Variants in GNAS observed in about 807,000 individuals in gnomAD.
GNAS encodes GNAS complex locus.
In GNAS, 8 loss-of-function variants were observed where a neutral mutation model predicts 54.5. The observed-to-expected ratio is 0.15, with a 90% CI of 0.09 to 0.26. The LOEUF is 0.26. Ranked by LOEUF, GNAS falls within the 10% of genes least tolerant of loss-of-function variation. The pLI is 1.00. For missense variants in GNAS, 170 were observed against 529.8 expected (o/e 0.32, Z 6.67); for synonymous variants, 204 against 191.4 (o/e 1.07, Z -0.54).
chr20:58,842,120 T>G, intron 1 of GNAS: 1 of 399,512 alleles, frequency 2.5e-6, no homozygotes, highest in Non-Finnish European at 4.4e-6. Flanking sequence ...GTTTAATCTG[T>G]AACCTGGAGG....
chr20:58,888,739 C>G (rs1301634546), upstream of GNAS: 1 of 152,154 alleles, frequency 6.6e-6, no homozygotes, highest in Non-Finnish European at 1.5e-5. Context: ...GTCCGGGCGT[C>G]GCAAATAATT....
chr20:58,842,715 A>G (rs1050801252), intron 1 of GNAS, among the ~76,000 whole-genome samples: 2 of 152,150 alleles, frequency 1.3e-5, no homozygotes, highest in Admixed American at 6.5e-5. Context: ...GCTTTCTGTG[A>G]CATTAAGTGT....
At chr20:58,903,645 C>T in intron 4 of GNAS, 27 bp from the exon 5 acceptor site, 2 of 1,614,194 alleles carry the variant, frequency 1.2e-6, no homozygotes, top group Non-Finnish European at 1.7e-6. Context: ...GTGCTGTTCC[C>T]TGACCGCTTT....
intron 1 of GNAS, among the ~76,000 whole-genome samples, chr20:58,882,590 G>GTCCA (rs2088310899): frequency 6.6e-6 from 1 of 152,174 alleles, no homozygotes; most frequent in African/African-American, 2.4e-5. Context: ...TCAGCCCCAT[G>GTCCA]GATCACAGCT....
At chr20:58,887,102 G>C (rs1255218082), upstream of GNAS, among the ~76,000 whole-genome samples, 3 of 152,202 alleles carry the variant, frequency 2.0e-5, no homozygotes, top group Admixed American at 6.5e-5. Context: ...TATCTAAAAG[G>C]GGAAGGTGGT....
At chr20:58,894,925 A>C (rs965088500) in intron 1 of GNAS, among the ~76,000 whole-genome samples, 1 of 152,206 alleles carries the variant, frequency 6.6e-6, no homozygotes, top group African/African-American at 2.4e-5. Context: ...CCTTTTCCTC[A>C]GCAACATAGT....
upstream of GNAS, chr20:58,889,691 A>C (rs2088935908): frequency 6.6e-6 from 1 of 151,144 alleles, no homozygotes; most frequent in East Asian, 2.0e-4. Context: ...TTTTGGCGCT[A>C]ACTCTTAGGC....
At chr20:58,877,191 G>T (rs1178517288) in intron 1 of GNAS, among the ~76,000 whole-genome samples, 1 of 152,006 alleles carries the variant, frequency 6.6e-6, no homozygotes, top group Admixed American at 6.5e-5. Flanking sequence ...GTGGTGGGGG[G>T]AAAGGAGGGG....
At position 58,891,739 on chromosome 20, in the gene GNAS, G is replaced by A. The variant is rs1349914271; in HGVS notation, c.13G>A (p.Gly5Arg). 2 of 1,191,802 alleles carry A rather than the reference G, an allele frequency of 1.7e-6. No individual in the cohort carries two copies. The highest frequency in any genetic ancestry group is 2.2e-6 in the Non-Finnish European group (2 of 927,606). The allele number at this position is 1,191,802 out of a possible 1,614,324, so 73.8% of individuals were successfully genotyped here. The change falls in exon 1 of 13, where the codon GGG becomes AGG. Residue 5 changes from glycine to arginine, a missense_variant. Physicochemically the swap from Gly to Arg is moderately radical, Grantham distance 125. Transcript: ENST00000371085. MGCL[G>R]NSKTEDQRNE... The stretch of plus-strand genomic sequence containing the variant: ...CGCCGCCGCCGCCATGGGCTGCCTC[G>A]GGAACAGTAAGACCGAGGACCAGCG...
At chr20:58,886,419 T>C (rs1365400498), upstream of GNAS, among the ~76,000 whole-genome samples, 4 of 152,180 alleles carry the variant, frequency 2.6e-5, no homozygotes, top group Admixed American at 1.3e-4. Context: ...GGGCATTTTA[T>C]ACCCAAGATA....
chr20:58,890,284 ACGAGGGCGCCGAGGAGGGCGCCGTCGG>A (rs1022132602), upstream of GNAS, among the ~76,000 whole-genome samples: 9 of 150,884 alleles, frequency 6.0e-5, no homozygotes, highest in Admixed American at 5.9e-4. Flanking sequence ...GCCGACGACG[ACGAGGGCGCCGAGGAGGGCGCCGTCGG>A]GGGCGCCGAG....
chr20:58,839,841 G>A (rs2145468437), upstream of GNAS: 3 of 594,920 alleles, frequency 5.0e-6, no homozygotes, highest in East Asian at 2.8e-5. Context: ...AGAGGAGCCC[G>A]GGAGGAGACA....
upstream of GNAS, among the ~76,000 whole-genome samples, chr20:58,889,764 G>C (rs1440011949): frequency 6.8e-6 from 1 of 146,840 alleles, no homozygotes; most frequent in Non-Finnish European, 1.5e-5. Context: ...AGCGCGGCGG[G>C]AACCGCAGCC....
chr20:58,841,293 T>C lies in GNAS; in HGVS notation c.43+407T>C, dbSNP rs1183836658. 1 of 1,068,314 alleles carries C rather than the reference T, an allele frequency of 9.4e-7. No homozygotes were observed. Among genetic ancestry groups the C allele is most frequent in the Non-Finnish European group, 1.1e-6 (1 of 879,764 alleles). The allele number at this position is 1,068,314 out of a possible 1,614,324, so 66.2% of individuals were successfully genotyped here. On this transcript the variant is annotated intron_variant, in intron 1 of 12. Transcript: ENST00000306090. This position sits in a 1 kb window ranked among gnomAD's most constrained non-coding sequence, Gnocchi z 5.0. Reference sequence around the variant, plus strand: ...TCTCAAATAAGTTGGCCTTCTCAGGTGTCCAAAATGTGGTTCGGAGGTGCG... The same window carrying C: ...TCTCAAATAAGTTGGCCTTCTCAGGCGTCCAAAATGTGGTTCGGAGGTGCG...
At chr20:58,907,122 G>A (rs1035789020) in intron 6 of GNAS, among the ~76,000 whole-genome samples, 3 of 152,182 alleles carry the variant, frequency 2.0e-5, no homozygotes, top group Non-Finnish European at 2.9e-5. Context: ...TGAATAAACA[G>A]GAGGGAGGAA....
chr20:58,855,570 G>A (rs777992406), intron 1 of GNAS: 5 of 717,936 alleles, frequency 7.0e-6, no homozygotes, highest in South Asian at 3.0e-5. Context: ...AAGTGGTGCC[G>A]AGCGACACTG....
chr20:58,879,554 T>C (rs2088080374), intron 1 of GNAS, among the ~76,000 whole-genome samples: 1 of 152,142 alleles, frequency 6.6e-6, no homozygotes, highest in African/African-American at 2.4e-5. Flanking sequence ...TGCCTGAATA[T>C]TTGAGAGGAT....
At chr20:58,850,729 C>T (rs1490831983) in intron 1 of GNAS, 1 of 398,754 alleles carries the variant, frequency 2.5e-6, no homozygotes, top group Non-Finnish European at 4.4e-6. Context: ...AAGGGTTGGC[C>T]CCTGGGACCC....
chr20:58,855,254 G>A, intron 1 of GNAS: 1 of 1,589,872 alleles, frequency 6.3e-7, no homozygotes, highest in South Asian at 1.1e-5. Context: ...GCGCAGAGAA[G>A]AAACGCAGTA....
Sources: allele counts gnomAD v4.1 joint callset (sites outside exome capture counted in the v4.1 genomes callset), GRCh38; gene constraint gnomAD v4.1.1; non-coding constraint Gnocchi (gnomAD v3.1); transcripts MANE v1.5; gene names NCBI Gene and HGNC (gene_info 2026-07-23, HGNC 2026-07-21).